ULK1: variants seen among roughly 807,000 people sequenced by gnomAD.
ULK1 encodes the protein unc-51 like autophagy activating kinase 1, also known as serine/threonine-protein kinase ULK1.
In ULK1, 48 loss-of-function variants were observed where a neutral mutation model predicts 117.5. The observed-to-expected ratio is 0.41, with a 90% CI of 0.32 to 0.52. The LOEUF (loss-of-function observed/expected upper bound fraction) is 0.52, where lower values mean the gene tolerates loss of function less well. Among genes scored for constraint, ULK1 ranks in the 20% least tolerant of loss-of-function variants. The pLI is 0.29. For synonymous variants in ULK1, 790 were observed against 637.8 expected (o/e 1.24, Z -3.60); for missense variants, 1,387 against 1,473.4 (o/e 0.94, Z 0.96).
intron 13 of ULK1, among the ~76,000 whole-genome samples, chr12:131,912,423 G>A (rs1202545984): frequency 1.3e-5 from 2 of 152,186 alleles, no homozygotes; most frequent in African/African-American, 2.4e-5. Flanking sequence ...AGCAACTCTT[G>A]TTGCCTCTAC....
At chr12:131,908,326 G>C (rs978070770) in intron 5 of ULK1, among the ~76,000 whole-genome samples, 1 of 152,160 alleles carries the variant, frequency 6.6e-6, no homozygotes, top group Non-Finnish European at 1.5e-5. Flanking sequence ...TGGATGCCGG[G>C]AAGAGGGGCA....
chr12:131,914,791 G>T (rs898071893), intron 16 of ULK1, among the ~76,000 whole-genome samples: 1 of 152,182 alleles, frequency 6.6e-6, no homozygotes, highest in Non-Finnish European at 1.5e-5. Context: ...TGGGCCAGTG[G>T]GTGTCTGGCA....
At chr12:131,904,386 G>A (rs532798194) in intron 3 of ULK1, among the ~76,000 whole-genome samples, 5 of 152,322 alleles carry the variant, frequency 3.3e-5, no homozygotes, top group South Asian at 2.1e-4. Context: ...GGGCTCAGGC[G>A]ATCCTCTTGG....
At chr12:131,900,114 C>CA (rs55658532) in intron 3 of ULK1, among the ~76,000 whole-genome samples, 33 of 70,100 alleles carry the variant, frequency 4.7e-4, no homozygotes, top group Admixed American at 1.2e-3. Flanking sequence ...GAAACTCTCT[C>CA]AAAAAAAAAA....
Position 131,921,460 on chromosome 12 carries a change from C to A in ULK1, c.*99C>A. 1 of 1,556,104 alleles carries A rather than the reference C, an allele frequency of 6.4e-7. No homozygotes were observed. Among genetic ancestry groups the A allele is most frequent in the South Asian group, 1.1e-5 (1 of 89,534 alleles). On this transcript the variant is annotated 3_prime_UTR_variant, in exon 28 of 28. Coordinates refer to ENST00000321867, the MANE Select transcript of ULK1 (RefSeq NM_003565.4). ...CGGGACAAGCCCATGGCGCTGATCGCTGGTGCTGAGCCCTGCCCTGGGCCC... is the reference window on the plus strand; with the variant it reads ...CGGGACAAGCCCATGGCGCTGATCGATGGTGCTGAGCCCTGCCCTGGGCCC...
At position 131,921,292 on chromosome 12, in the gene ULK1, C is replaced by T. The variant is rs188342389; in HGVS notation, c.3098-14C>T. On this transcript the variant is annotated splice_polypyrimidine_tract_variant and intron_variant, in intron 27 of 27. Coordinates refer to ENST00000321867, the MANE Select transcript of ULK1 (RefSeq NM_003565.4). ...CTCTGGGCGTCTCCCTCACACTCCC[C>T]TCTCCCTCCACAGGCAAGCTGTGCA... The T allele has an allele frequency of 5.0e-3, 8,075 of 1,608,214 alleles. 29 individuals are homozygous for T. The highest frequency in any genetic ancestry group is 6.0e-3 in the Non-Finnish European group (7,050 of 1,179,944).
intron 26 of ULK1, 76 bp from the exon 27 acceptor site, chr12:131,921,024 C>T (rs1890127008): frequency 4.7e-6 from 7 of 1,484,624 alleles, no homozygotes; most frequent in Admixed American, 4.4e-5. Context: ...TGGGCCGCTG[C>T]CGTGGGTGCA....
In ULK1 at chr12:131,916,386, C is replaced by T. The variant is rs568583349; in HGVS notation, c.1879-12C>T. ...CTGCGGGGCAGTCTTCACCCCATCTCTGTCCTCCTAGGCTGTGCCCTCCTT... is the reference window on the plus strand; with the variant it reads ...CTGCGGGGCAGTCTTCACCCCATCTTTGTCCTCCTAGGCTGTGCCCTCCTT... On this transcript the variant is annotated splice_polypyrimidine_tract_variant and intron_variant, in intron 19 of 27. Transcript: ENST00000321867. 5.1e-6 allele frequency: 8 copies of T among 1,555,236 alleles called. No homozygotes were observed. The African/African-American group carries it at 6.9e-5, about 13-fold the overall frequency.
At chr12:131,920,359 C>T in intron 26 of ULK1, 1 of 557,394 alleles carries the variant, frequency 1.8e-6, no homozygotes. Context: ...CATGTGCATC[C>T]TGCCTCGCCC....
chr12:131,898,466 A>G (rs1888960502), intron 3 of ULK1, among the ~76,000 whole-genome samples: 1 of 151,876 alleles, frequency 6.6e-6, no homozygotes, highest in Non-Finnish European at 1.5e-5. Context: ...ATCGTGGCTC[A>G]TGTGAGAAGT....
In ULK1 at chr12:131,908,480, G is replaced by C. The variant is rs1889374272; in HGVS notation, c.317-164G>C. On this transcript the variant is annotated intron_variant, in intron 5 of 27. Coordinates refer to ENST00000321867, the MANE Select transcript of ULK1 (RefSeq NM_003565.4). Reference sequence around the variant, plus strand: ...GGAGCTTCAGGTGCGCCCTGGTCTCGGCGGCCCGTGGTGGCTTGTGCCCCT... The same window carrying C: ...GGAGCTTCAGGTGCGCCCTGGTCTCCGCGGCCCGTGGTGGCTTGTGCCCCT... 16 of 770,938 alleles carry C rather than the reference G, an allele frequency of 2.1e-5. No homozygotes were observed. The South Asian group carries it at 3.6e-4, about 17-fold the overall frequency. 47.8% of individuals were successfully genotyped at this position (770,938 alleles called of 1,614,324 possible).
At chr12:131,906,578 T>C (rs1566117200) in intron 3 of ULK1, 1 of 412,286 alleles carries the variant, frequency 2.4e-6, no homozygotes, top group East Asian at 4.8e-5. Context: ...GGCCTGAGGG[T>C]CACACACACC....
intron 3 of ULK1, chr12:131,896,587 G>C (rs1275416858): frequency 6.6e-6 from 1 of 152,480 alleles, no homozygotes; most frequent in Non-Finnish European, 1.5e-5. Context: ...TCCTCCGTCC[G>C]CCTCTCAGAG....
chr12:131,917,971 G>A (rs1889938923), intron 22 of ULK1, among the ~76,000 whole-genome samples: 2 of 152,170 alleles, frequency 1.3e-5, no homozygotes, highest in African/African-American at 2.4e-5. Flanking sequence ...GATGCTCTGG[G>A]CCTGGGGCCT....
At chr12:131,914,603 ACT>A (rs1256675661) in intron 16 of ULK1, 126 bp downstream of exon 16, 36 of 1,248,222 alleles carry the variant, frequency 2.9e-5, no homozygotes, top group Admixed American at 1.2e-4. Flanking sequence ...GCACTGCGTA[ACT>A]CAGCACCACC....
At position 131,902,310 on chromosome 12, in the gene ULK1, C is replaced by T. The variant is rs1030372849; in HGVS notation, c.247-4582C>T. Among the ~76,000 whole-genome samples the T allele has an allele frequency of 2.0e-5, 3 of 152,198 alleles. No homozygotes were observed. Among genetic ancestry groups the T allele is most frequent in the Non-Finnish European group, 4.4e-5 (3 of 68,024 alleles). On this transcript the variant is annotated intron_variant, in intron 3 of 27. Coordinates refer to ENST00000321867, the MANE Select transcript of ULK1 (RefSeq NM_003565.4). The surrounding 1 kb of genome is among the most constrained non-coding windows in gnomAD (Gnocchi z 6.3). ...CAGTGCCTGCTCACCAGGCCCAGCC[C>T]AGGATCACCAGACAAGAGTAGGGCT... is the stretch of plus-strand genomic sequence containing the variant.
intron 26 of ULK1, 52 bp downstream of exon 26, chr12:131,920,188 G>A (rs749817962): frequency 3.8e-5 from 60 of 1,585,926 alleles, no homozygotes; most frequent in Middle Eastern, 1.7e-4. Context: ...TTCCAGGCCC[G>A]CCGTCTCCAC....
intron 4 of ULK1, among the ~76,000 whole-genome samples, 193 bp from the exon 5 acceptor site, chr12:131,907,302 T>C (rs997866507): frequency 2.6e-5 from 4 of 152,208 alleles, no homozygotes; most frequent in Non-Finnish European, 4.4e-5. Flanking sequence ...ATTACAGGCG[T>C]GAGCTGCCAC....
chr12:131,909,764 C>G lies in ULK1; in HGVS notation c.667-11C>G. ...GCAGCCCTGGCAGTCAGGCTGTCCC[C>G]GTCCCCGCAGGCCAGCAGCCCCCAG... On this transcript the variant is annotated splice_polypyrimidine_tract_variant and intron_variant, in intron 8 of 27. Coordinates refer to ENST00000321867, the MANE Select transcript of ULK1 (RefSeq NM_003565.4). The G allele has an allele frequency of 6.3e-7, 1 of 1,597,230 alleles. No homozygotes were observed. Among genetic ancestry groups the G allele is most frequent in the Admixed American group, 1.7e-5 (1 of 58,228 alleles).
Sources: gnomAD v4.1 joint callset for allele counts (sites outside exome capture counted in the v4.1 genomes callset) on GRCh38, gnomAD v4.1.1 for gene constraint, Gnocchi (gnomAD v3.1) non-coding constraint, MANE v1.5 for transcripts, NCBI Gene and HGNC (gene_info 2026-07-23, HGNC 2026-07-21) for gene names.